INIP: variants seen among roughly 807,000 people sequenced by gnomAD.
INIP encodes the protein INTS3 and NABP interacting protein.
Under a neutral mutation model 14.0 loss-of-function variants are expected in INIP, and 9 were observed. That is an observed-to-expected ratio of 0.64 (90% CI 0.39 to 1.12). The LOEUF (loss-of-function observed/expected upper bound fraction) is 1.12. INIP is among the 50% of genes most tolerant of loss of function. INIP has a pLI of 0.01. For synonymous variants in INIP, 37 were observed against 41.5 expected (o/e 0.89, Z 0.41); for missense variants, 78 against 122.7 (o/e 0.64, Z 1.72).
intron 2 of INIP, among the ~76,000 whole-genome samples, chr9:112,713,959 G>A (rs1838726427): frequency 6.6e-6 from 1 of 151,166 alleles, no homozygotes; most frequent in South Asian, 2.1e-4. Flanking sequence ...ACTCCAGCTT[G>A]GGCAACAAGA....
intron 2 of INIP, among the ~76,000 whole-genome samples, chr9:112,695,814 A>G (rs890229116): frequency 4.4e-5 from 4 of 91,018 alleles, no homozygotes; most frequent in South Asian, 3.9e-4. Context: ...GGAGGAGAAG[A>G]AGAAGGAGAA....
rs1554738717 is a variant in INIP, at chr9:112,694,235, T to A, written c.26-2A>T. The A allele has an allele frequency of 3.2e-6, 5 of 1,555,372 alleles. No homozygotes were observed. In the Admixed American group the frequency reaches 5.4e-5, roughly 17 times the overall value. On this transcript the variant is annotated splice_acceptor_variant, in intron 2 of 4. Coordinates refer to ENST00000374242, the MANE Select transcript of INIP (RefSeq NM_021218.3). LOFTEE classifies it high-confidence loss of function. ...CAACTCTATTTTTGTTTTGAAAACCTAAAAAAAAGAGGGGAATAGGAGAAA... is the reference window on the plus strand; with the variant it reads ...CAACTCTATTTTTGTTTTGAAAACCAAAAAAAAAGAGGGGAATAGGAGAAA...
intron 3 of INIP, among the ~76,000 whole-genome samples, chr9:112,691,354 A>G (rs890187444): frequency 4.3e-4 from 66 of 152,254 alleles, no homozygotes; most frequent in Non-Finnish European, 9.4e-4. Flanking sequence ...GACAGGATAC[A>G]CAAGAATATT....
At chr9:112,697,142 G>T (rs371201563) in intron 2 of INIP, among the ~76,000 whole-genome samples, 1 of 152,252 alleles carries the variant, frequency 6.6e-6, no homozygotes, top group East Asian at 1.9e-4. Flanking sequence ...TCATCACATT[G>T]AACAAAAGAT....
chr9:112,716,288 C>A (rs545651843), intron 2 of INIP, among the ~76,000 whole-genome samples, 173 bp downstream of exon 2: 1 of 152,174 alleles, frequency 6.6e-6, no homozygotes, highest in Non-Finnish European at 1.5e-5. Context: ...GCAGTCCACC[C>A]GACTTGGCCT....
intron 2 of INIP, among the ~76,000 whole-genome samples, chr9:112,707,681 A>G (rs953838535): frequency 6.6e-6 from 1 of 152,210 alleles, no homozygotes; most frequent in Non-Finnish European, 1.5e-5. Flanking sequence ...TCTAAAGCTA[A>G]AAGTGAAAAT....
chr9:112,694,645 T>A (rs2131288977), intron 2 of INIP, among the ~76,000 whole-genome samples: 1 of 152,348 alleles, frequency 6.6e-6, no homozygotes, highest in South Asian at 2.1e-4. Context: ...CAGATGTTCT[T>A]AGTCTTCTAT....
intron 4 of INIP, among the ~76,000 whole-genome samples, chr9:112,688,081 A>T (rs786974): frequency 7.2e-6 from 1 of 138,132 alleles, no homozygotes; most frequent in Non-Finnish European, 1.6e-5. Context: ...GCGAGACTCC[A>T]TCTCAAATAA....
chr9:112,688,489 T>TAAAAA (rs201986556), intron 4 of INIP, among the ~76,000 whole-genome samples: 1 of 135,372 alleles, frequency 7.4e-6, no homozygotes, highest in Admixed American at 7.4e-5. Flanking sequence ...CCTCTGTCAT[T>TAAAAA]AAAAAAAAAA....
chr9:112,700,538 T>TATATATATATA (rs112196431), intron 2 of INIP, among the ~76,000 whole-genome samples: 97 of 122,170 alleles, frequency 7.9e-4, no homozygotes, highest in African/African-American at 3.4e-3. Flanking sequence ...TATATATATA[T>TATATATATATA]TATATATACC....
At chr9:112,702,533 G>A (rs1358078586) in intron 2 of INIP, among the ~76,000 whole-genome samples, 1 of 152,070 alleles carries the variant, frequency 6.6e-6, no homozygotes. Context: ...TGTGCAAAAC[G>A]CTCATGTTCC....
chr9:112,690,736 C>T (rs1467456369), intron 3 of INIP, among the ~76,000 whole-genome samples: 2 of 152,204 alleles, frequency 1.3e-5, no homozygotes, highest in Admixed American at 6.5e-5. Context: ...ATCTGGGCAA[C>T]CAGACTTGAT....
At chr9:112,692,912 G>A (rs1837942768) in intron 3 of INIP, among the ~76,000 whole-genome samples, 1 of 151,092 alleles carries the variant, frequency 6.6e-6, no homozygotes. Flanking sequence ...ATGGTAGGGT[G>A]CACCTGTAGT....
chr9:112,694,339 C>T, intron 2 of INIP, 106 bp from the exon 3 acceptor site: 2 of 665,916 alleles, frequency 3.0e-6, no homozygotes, highest in Non-Finnish European at 5.2e-6. Flanking sequence ...GAAAGCAAAA[C>T]TCCTATTCTC....
At chr9:112,699,846 A>C (rs1838233295) in intron 2 of INIP, among the ~76,000 whole-genome samples, 1 of 152,068 alleles carries the variant, frequency 6.6e-6, no homozygotes, top group Non-Finnish European at 1.5e-5. Flanking sequence ...GGGTAGTCTA[A>C]TTACTTTAAG....
At chr9:112,690,350 G>A (rs1837839656) in intron 3 of INIP, among the ~76,000 whole-genome samples, 1 of 152,158 alleles carries the variant, frequency 6.6e-6, no homozygotes, top group Admixed American at 6.5e-5. Context: ...AACCAGGTAT[G>A]GTGGCATGTG....
chr9:112,714,661 T>C (rs915531254), intron 2 of INIP, among the ~76,000 whole-genome samples: 4 of 152,160 alleles, frequency 2.6e-5, no homozygotes, highest in Non-Finnish European at 5.9e-5. Context: ...GAAGAGGCCA[T>C]AAGGTGAATA....
intron 3 of INIP, among the ~76,000 whole-genome samples, chr9:112,693,582 A>C (rs891981533): frequency 1.3e-5 from 2 of 152,246 alleles, no homozygotes; most frequent in African/African-American, 4.8e-5. Flanking sequence ...GCATGCACTC[A>C]TAAATTTGTT....
chr9:112,710,727 T>C (rs1838622065), intron 2 of INIP, among the ~76,000 whole-genome samples: 1 of 152,368 alleles, frequency 6.6e-6, no homozygotes, highest in Admixed American at 6.5e-5. Flanking sequence ...AAAATCTATT[T>C]ATTTACATTA....
Sources: gnomAD v4.1 joint callset for allele counts (sites outside exome capture counted in the v4.1 genomes callset) on GRCh38, gnomAD v4.1.1 for gene constraint, MANE v1.5 for transcripts, NCBI Gene and HGNC (gene_info 2026-07-23, HGNC 2026-07-21) for gene names.